Variants in TMEM63A observed in about 807,000 individuals in gnomAD.
TMEM63A encodes the protein transmembrane protein 63A.
Under a neutral mutation model 100.6 loss-of-function variants are expected in TMEM63A, and 76 were observed. The ratio of observed to expected loss-of-function variants is 0.76; its 90% CI spans 0.63 to 0.91. TMEM63A has a LOEUF of 0.91. Among genes scored for constraint, TMEM63A ranks in the 40% least tolerant of loss-of-function variants. The probability of loss-of-function intolerance (pLI) is 0.00; values close to 1 mark genes in which losing one functional copy is unlikely to be tolerated. For missense variants in TMEM63A, 876 were observed against 1,008.8 expected, an observed-to-expected ratio of 0.87 and a Z score of 1.78; for synonymous variants, 401 against 401.1, an observed-to-expected ratio of 1.00 and a Z score of 0.00.
chr1:225,852,759 A>G lies in TMEM63A; in HGVS notation c.1808T>C (p.Phe603Ser). ...DRRNVKQNQAFQYEFGAMYAW... is the reference protein window; with the variant it reads ...DRRNVKQNQASQYEFGAMYAW... ...ATACATGGCTCCAAACTCGTACTGG[A>G]AGGCCTGGTTCTGGGAGGAGGAGGT... is the stretch of plus-strand genomic sequence containing the variant. The change falls in exon 20 of 25, where the codon TTC becomes TCC. Residue 603 changes from phenylalanine (F) to serine (S), a missense_variant. Coordinates refer to ENST00000366835, the MANE Select transcript of TMEM63A (RefSeq NM_014698.3). 1 of 1,613,998 alleles carries G rather than the reference A, an allele frequency of 6.2e-7. No homozygotes were observed. Among genetic ancestry groups the G allele is most frequent in the South Asian group, 1.1e-5 (1 of 91,076 alleles).
chr1:225,867,169 G>C lies in TMEM63A; in HGVS notation c.515-6C>G. 1.2e-6 allele frequency: 2 copies of C among 1,614,158 alleles called. No homozygotes were observed. The highest frequency in any genetic ancestry group is 2.7e-5 in the African/African-American group (2 of 75,028). On this transcript the variant is annotated splice_region_variant and splice_polypyrimidine_tract_variant and intron_variant, in intron 7 of 24. Coordinates refer to ENST00000366835, the MANE Select transcript of TMEM63A (RefSeq NM_014698.3). This position sits in a 1 kb window ranked among gnomAD's most constrained non-coding sequence, Gnocchi z 4.6. Reference sequence around the variant, plus strand: ...AAAACTATACGGGTCTTTGTCTGCAGAGAAGCACAGATACTTAGTTCCAGG... The same window carrying C: ...AAAACTATACGGGTCTTTGTCTGCACAGAAGCACAGATACTTAGTTCCAGG...
chr1:225,851,525 A>G (rs1247107500), intron 20 of TMEM63A, among the ~76,000 whole-genome samples: 1 of 152,036 alleles, frequency 6.6e-6, no homozygotes, highest in Middle Eastern at 3.2e-3. Context: ...GCCTGCCACC[A>G]TGCCCAGTTA....
Position 225,873,875 on chromosome 1 carries a change from G to A in TMEM63A, c.266+413C>T, listed in dbSNP as rs74150543. ...ATGGGCATCCTCTTCAGAGGATGAC[G>A]AAAGCCCTCAGTATCTAAAGCAACC... On this transcript the variant is annotated intron_variant, in intron 4 of 24. Transcript: ENST00000366835. 2.6e-3 allele frequency among the ~76,000 whole-genome samples: 389 copies of A among 152,318 alleles called. 1 individual carries two copies. Among genetic ancestry groups the A allele is most frequent in the African/African-American group, 8.9e-3 (368 of 41,568 alleles).
Position 225,877,538 on chromosome 1 carries a change from C to T in TMEM63A, c.43G>A (p.Val15Met), listed in dbSNP as rs749145507. The change falls in exon 3 of 25, where the codon GTG (valine) becomes ATG (methionine). Residue 15 changes from valine to methionine, a missense_variant. Physicochemically the swap from Val to Met is conservative, Grantham distance 21. Transcript: ENST00000366835. ...AGTCCCAGCTGCTCCCTGATGGACA[C>T]TGCCTTGGACTGCCACAGCTCCAGG... ...PFLELWQSKAVSIREQLGLGD... is the reference protein window; with the variant it reads ...PFLELWQSKAMSIREQLGLGD... 69 of 1,614,042 alleles carry T rather than the reference C, an allele frequency of 4.3e-5. No homozygotes were observed. In the Admixed American group the frequency reaches 9.2e-4, roughly 21 times the overall value.
chr1:225,850,114 C>A, intron 20 of TMEM63A, 35 bp from the exon 21 acceptor site: 1 of 1,609,222 alleles, frequency 6.2e-7, no homozygotes, highest in Non-Finnish European at 8.5e-7. Flanking sequence ...GGAGACCTCG[C>A]AGGGCCACAC....
chr1:225,859,721 C>T, intron 14 of TMEM63A: 1 of 207,362 alleles, frequency 4.8e-6, no homozygotes, highest in Non-Finnish European at 9.8e-6. Context: ...TCTCGGCTCA[C>T]TGCAACCTCT....
At chr1:225,877,826 T>C in intron 2 of TMEM63A, 1 of 475,336 alleles carries the variant, frequency 2.1e-6, no homozygotes, top group Non-Finnish European at 3.8e-6. Context: ...TCAGAGTGGA[T>C]GGCTCATCCA....
chr1:225,860,704 G>C, intron 14 of TMEM63A, 156 bp downstream of exon 14: 1 of 859,458 alleles, frequency 1.2e-6, no homozygotes, highest in Non-Finnish European at 1.6e-6. Context: ...ACCCCAGTTG[G>C]GCCACACCGA....
Position 225,863,001 on chromosome 1 carries a change from T to G in TMEM63A, c.747-150A>C. The G allele has an allele frequency of 5.7e-6, 4 of 702,292 alleles. No homozygotes were observed. The South Asian group carries it at 7.1e-5, about 12-fold the overall frequency. 43.5% of individuals were successfully genotyped at this position (702,292 alleles called of 1,614,324 possible). ...GCGGAGACCTCTCTTCTCTTTGTCT[T>G]TTATCCTCCAAAAGGGGGAAATTTT... is the stretch of plus-strand genomic sequence containing the variant. On this transcript the variant is annotated intron_variant, in intron 10 of 24. Coordinates refer to ENST00000366835, the MANE Select transcript of TMEM63A (RefSeq NM_014698.3).
At position 225,859,100 on chromosome 1, in the gene TMEM63A, C is replaced by T. The variant is rs546647391; in HGVS notation, c.1377+96G>A. 1.0e-3 allele frequency: 1,560 copies of T among 1,559,146 alleles called. 4 individuals carry two copies. The highest frequency in any genetic ancestry group is 3.7e-3 in the South Asian group (315 of 84,054). The stretch of plus-strand genomic sequence containing the variant: ...AACATGACCCACTGGTTTAGTTCCC[C>T]GCACACACCCCACTCCTGTCCCCAC... On this transcript the variant is annotated intron_variant, in intron 15 of 24. Coordinates refer to ENST00000366835, the MANE Select transcript of TMEM63A (RefSeq NM_014698.3).
intron 1 of TMEM63A, among the ~76,000 whole-genome samples, chr1:225,881,901 C>A (rs1382887514): frequency 6.6e-6 from 1 of 152,020 alleles, no homozygotes; most frequent in Non-Finnish European, 1.5e-5. Flanking sequence ...CCTCTGCCTT[C>A]CTGGCGTCAG....
At chr1:225,870,961 T>G in intron 6 of TMEM63A, 115 bp downstream of exon 6, 1 of 1,096,916 alleles carries the variant, frequency 9.1e-7, no homozygotes, top group Non-Finnish European at 1.4e-6. Flanking sequence ...AACTAAAAAG[T>G]ATCTAAGAGA....
At position 225,867,415 on chromosome 1, in the gene TMEM63A, C is replaced by A. The variant is rs947918900; in HGVS notation, c.515-252G>T. Among the ~76,000 whole-genome samples the A allele has an allele frequency of 2.0e-5, 3 of 152,174 alleles. No homozygotes were observed. Among genetic ancestry groups the A allele is most frequent in the Non-Finnish European group, 4.4e-5 (3 of 68,016 alleles). Reference sequence around the variant, plus strand: ...GTGAATTCATTTTGTTTTGAGAAAACTAAAAACATCCTATGTTGTTACAAA... The same window carrying A: ...GTGAATTCATTTTGTTTTGAGAAAAATAAAAACATCCTATGTTGTTACAAA... On this transcript the variant is annotated intron_variant, in intron 7 of 24. Transcript: ENST00000366835. This position sits in a 1 kb window ranked among gnomAD's most constrained non-coding sequence, Gnocchi z 4.6.
chr1:225,857,389 G>A lies in TMEM63A; in HGVS notation c.1378-372C>T, dbSNP rs199930629. Among the ~76,000 whole-genome samples the A allele has an allele frequency of 9.9e-4, 132 of 133,792 alleles. 12 individuals carry two copies. The highest frequency in any genetic ancestry group is 3.5e-3 in the African/African-American group (128 of 36,158). The allele number at this position is 133,792 out of a possible 152,430, so 87.8% of individuals were successfully genotyped here. On this transcript the variant is annotated intron_variant, in intron 15 of 24. Coordinates refer to ENST00000366835, the MANE Select transcript of TMEM63A (RefSeq NM_014698.3). ...TGGAGTCCTGGCCGGCGGGGCGGGG[G>A]GGGGGGGGTGCCCTGCCTGCTCAGC...
rs894013774 is a variant in TMEM63A at position 225,865,304 on chromosome 1, G to A, written c.746+593C>T. The A allele has an allele frequency of 5.2e-5, 8 of 152,412 alleles. No homozygotes were observed. In the East Asian group the frequency reaches 5.8e-4, roughly 11 times the overall value. 9.4% of individuals were successfully genotyped at this position (152,412 alleles called of 1,614,324 possible). ...TTTCCCCGCATCCCTGGCTGCACAC[G>A]TAATCTCCTCACAGGAAAGACTTTC... On this transcript the variant is annotated intron_variant, in intron 10 of 24. Transcript: ENST00000366835. The surrounding 1 kb of genome is among the most constrained non-coding windows in gnomAD (Gnocchi z 4.6).
At chr1:225,855,291 C>G (rs1669562756) in intron 18 of TMEM63A, among the ~76,000 whole-genome samples, 2 of 152,180 alleles carry the variant, frequency 1.3e-5, no homozygotes, top group Admixed American at 1.3e-4. Context: ...ACCTCAGTCT[C>G]CTCATCTGTA....
At chr1:225,872,920 C>A (rs1670590542) in intron 4 of TMEM63A, among the ~76,000 whole-genome samples, 1 of 152,078 alleles carries the variant, frequency 6.6e-6, no homozygotes, top group South Asian at 2.1e-4. Flanking sequence ...TCTTGAACTC[C>A]TGACCTCATG....
Position 225,865,717 on chromosome 1 carries a change from C to G in TMEM63A, c.746+180G>C. On this transcript the variant is annotated intron_variant, in intron 10 of 24. Coordinates refer to ENST00000366835, the MANE Select transcript of TMEM63A (RefSeq NM_014698.3). This position sits in a 1 kb window ranked among gnomAD's most constrained non-coding sequence, Gnocchi z 4.6. ...GGCGCTATTCACTGCACAGCACCAG[C>G]AGGGCTGGCACACAGGAGCCACTCC... 1 of 619,862 alleles carries G rather than the reference C, an allele frequency of 1.6e-6. No homozygotes were observed. The allele number at this position is 619,862 out of a possible 1,614,324, so 38.4% of individuals were successfully genotyped here. A position where few individuals can be genotyped will look rare whatever the true frequency, so the allele number is the denominator to read the frequency against.
chr1:225,876,347 C>T (rs1243216442), intron 3 of TMEM63A, among the ~76,000 whole-genome samples: 1 of 151,988 alleles, frequency 6.6e-6, no homozygotes, highest in Non-Finnish European at 1.5e-5. Context: ...TGTTCCCCAC[C>T]CGAGCCTAGT....
Sources: allele counts gnomAD v4.1 joint callset (sites outside exome capture counted in the v4.1 genomes callset), GRCh38; gene constraint gnomAD v4.1.1; non-coding constraint Gnocchi (gnomAD v3.1); transcripts MANE v1.5; gene names NCBI Gene and HGNC (gene_info 2026-07-23, HGNC 2026-07-21).